Variants in ZDHHC17 observed in about 807,000 individuals in gnomAD.
The protein encoded by ZDHHC17 is zDHHC palmitoyltransferase 17.
In ZDHHC17, 40 loss-of-function variants were observed where a neutral mutation model predicts 90.3. The observed-to-expected ratio is 0.44, with a 90% CI of 0.34 to 0.58. ZDHHC17 has a LOEUF of 0.58. Among genes scored for constraint, ZDHHC17 ranks in the 20% least tolerant of loss-of-function variants. The probability of loss-of-function intolerance (pLI) is 0.01; values close to 1 mark genes in which losing one functional copy is unlikely to be tolerated. For missense variants in ZDHHC17, 614 were observed against 780.8 expected (o/e 0.79, Z 2.55); for synonymous variants, 235 against 252.4 (o/e 0.93, Z 0.65).
intron 7 of ZDHHC17, among the ~76,000 whole-genome samples, chr12:76,817,722 C>T (rs1049731948): frequency 3.9e-5 from 6 of 151,928 alleles, no homozygotes; most frequent in African/African-American, 7.2e-5. Context: ...TTAGCCATTG[C>T]GTAAACTTTT....
chr12:76,771,539 A>G lies in ZDHHC17; in HGVS notation c.93+7210A>G, dbSNP rs531645771. 4.6e-5 allele frequency among the ~76,000 whole-genome samples: 7 copies of G among 152,302 alleles called. No homozygotes were observed. The South Asian group carries it at 1.0e-3, about 23-fold the overall frequency. On this transcript the variant is annotated intron_variant, in intron 1 of 16. Coordinates refer to ENST00000426126, the MANE Select transcript of ZDHHC17 (RefSeq NM_015336.4). Reference sequence around the variant, plus strand: ...AGTACCTGAGACATTTTTTGTGTATATATGTCAGATGGCTTGCATTTTTAT... The same window carrying G: ...AGTACCTGAGACATTTTTTGTGTATGTATGTCAGATGGCTTGCATTTTTAT...
At position 76,812,377 on chromosome 12, in the gene ZDHHC17, C is replaced by T. The variant is rs935631458; in HGVS notation, c.543+2520C>T. ...CTGTTGTCTAAGGGCCTTTTGGTTG[C>T]TGTTTCTTCTGCTGGTATATTCTTT... On this transcript the variant is annotated intron_variant, in intron 5 of 16. Transcript: ENST00000426126. Among the ~76,000 whole-genome samples, 3 of 152,170 alleles carry T rather than the reference C, an allele frequency of 2.0e-5. No homozygotes were observed. In the East Asian group the frequency reaches 5.8e-4, roughly 29 times the overall value.
In ZDHHC17 at chr12:76,764,194, C is replaced by A. The variant is rs1292188290; in HGVS notation, c.-43C>A. On this transcript the variant is annotated 5_prime_UTR_variant, in exon 1 of 17. Coordinates refer to ENST00000426126, the MANE Select transcript of ZDHHC17 (RefSeq NM_015336.4). ...TCGCGCTCGCCCCGCGCTCGCCCTC[C>A]GCCTCGCCCGAGCCCCGGGAGGGTG... 1 of 1,491,222 alleles carries A rather than the reference C, an allele frequency of 6.7e-7. No individual in the cohort carries two copies. Among genetic ancestry groups the A allele is most frequent in the Non-Finnish European group, 9.0e-7 (1 of 1,107,916 alleles). The allele number at this position is 1,491,222 out of a possible 1,614,324, so 92.4% of individuals were successfully genotyped here. A position where few individuals can be genotyped will look rare whatever the true frequency, so the allele number is the denominator to read the frequency against.
intron 1 of ZDHHC17, among the ~76,000 whole-genome samples, chr12:76,765,598 A>G (rs1952421486): frequency 6.6e-6 from 1 of 152,262 alleles, no homozygotes; most frequent in Admixed American, 6.5e-5. Flanking sequence ...CAGGAAATAG[A>G]CAAAGTAGTT....
intron 8 of ZDHHC17, among the ~76,000 whole-genome samples, chr12:76,824,913 A>G (rs1453603327): frequency 6.6e-6 from 1 of 152,126 alleles, no homozygotes; most frequent in African/African-American, 2.4e-5. Context: ...TTTACTTAGA[A>G]TATTAAGTAA....
At chr12:76,770,223 A>T (rs1335755356) in intron 1 of ZDHHC17, among the ~76,000 whole-genome samples, 2 of 152,220 alleles carry the variant, frequency 1.3e-5, no homozygotes, top group African/African-American at 4.8e-5. Context: ...TGTGGTAAAA[A>T]GTAGTACCTC....
chr12:76,825,790 A>G (rs1953223338), intron 8 of ZDHHC17, among the ~76,000 whole-genome samples: 1 of 152,130 alleles, frequency 6.6e-6, no homozygotes, highest in Admixed American at 6.5e-5. Flanking sequence ...TAAGGAAAGC[A>G]GTGTTCATAC....
intron 10 of ZDHHC17, chr12:76,840,461 C>G (rs1176219719): frequency 1.3e-5 from 2 of 151,980 alleles, no homozygotes; most frequent in African/African-American, 4.8e-5. Context: ...CTGCCTCAGC[C>G]CCCTCAGTAG....
intron 1 of ZDHHC17, among the ~76,000 whole-genome samples, chr12:76,776,350 G>C (rs1237329621): frequency 2.6e-5 from 4 of 152,052 alleles, no homozygotes; most frequent in Admixed American, 2.6e-4. Context: ...TATAGTTCAT[G>C]GTGAAGTCCC....
chr12:76,805,475 GA>G, intron 3 of ZDHHC17, 36 bp downstream of exon 3: 1 of 553,044 alleles, frequency 1.8e-6, no homozygotes, highest in Non-Finnish European at 2.4e-6. Flanking sequence ...ATTAGAACTT[GA>G]CTTTTTATGG....
At chr12:76,849,118 TAAA>T (rs1035048447) in intron 15 of ZDHHC17, among the ~76,000 whole-genome samples, 2 of 48,474 alleles carry the variant, frequency 4.1e-5, no homozygotes, top group East Asian at 5.6e-4. Flanking sequence ...ACCCTATCTC[TAAA>T]AAAAAAAAAA....
chr12:76,791,717 A>G (rs1417631972), intron 1 of ZDHHC17, among the ~76,000 whole-genome samples: 1 of 152,164 alleles, frequency 6.6e-6, no homozygotes, highest in Non-Finnish European at 1.5e-5. Flanking sequence ...TCAGTCCCAC[A>G]AGACTGAAGT....
intron 7 of ZDHHC17, among the ~76,000 whole-genome samples, chr12:76,818,845 C>T (rs187674249): frequency 1.3e-5 from 2 of 152,260 alleles, no homozygotes; most frequent in East Asian, 3.9e-4. Context: ...TTTATGTAGG[C>T]TGATTATATG....
At chr12:76,784,900 T>G (rs1310484725) in intron 1 of ZDHHC17, among the ~76,000 whole-genome samples, 1 of 152,238 alleles carries the variant, frequency 6.6e-6, no homozygotes, top group African/African-American at 2.4e-5. Flanking sequence ...GAATTTTGGA[T>G]GCTTAAGGCA....
intron 7 of ZDHHC17, among the ~76,000 whole-genome samples, chr12:76,817,538 G>A (rs983042235): frequency 6.6e-6 from 1 of 152,070 alleles, no homozygotes; most frequent in Non-Finnish European, 1.5e-5. Flanking sequence ...ATGACAGTAA[G>A]ATGACTACAC....
intron 2 of ZDHHC17, among the ~76,000 whole-genome samples, chr12:76,801,823 A>G (rs901816585): frequency 2.0e-5 from 3 of 152,216 alleles, no homozygotes; most frequent in Non-Finnish European, 2.9e-5. Context: ...TGTATTTCCA[A>G]CAGACATAAA....
chr12:76,827,622 G>A (rs972730939), intron 9 of ZDHHC17, among the ~76,000 whole-genome samples: 2 of 151,922 alleles, frequency 1.3e-5, no homozygotes, highest in Non-Finnish European at 2.9e-5. Flanking sequence ...GTGTGATCCA[G>A]AATTTCCCAT....
At chr12:76,773,264 C>T (rs1421405978) in intron 1 of ZDHHC17, among the ~76,000 whole-genome samples, 1 of 152,164 alleles carries the variant, frequency 6.6e-6, no homozygotes, top group African/African-American at 2.4e-5. Flanking sequence ...ATGTCCTTCC[C>T]ACCAATCCCT....
intron 1 of ZDHHC17, chr12:76,781,751 G>T (rs1397802217): frequency 2.2e-6 from 1 of 449,266 alleles, no homozygotes; most frequent in African/African-American, 2.0e-5. Context: ...AACACAAAAT[G>T]GACTAAGACA....
Sources: gnomAD v4.1 joint callset for allele counts (sites outside exome capture counted in the v4.1 genomes callset) on GRCh38, gnomAD v4.1.1 for gene constraint, MANE v1.5 for transcripts, NCBI Gene and HGNC (gene_info 2026-07-23, HGNC 2026-07-21) for gene names.